SNRNP40: variants seen among roughly 807,000 people sequenced by gnomAD.
SNRNP40 encodes the protein small nuclear ribonucleoprotein U5 subunit 40.
A neutral mutation model predicts 45.8 loss-of-function variants in SNRNP40; 21 were observed. The ratio of observed to expected loss-of-function variants is 0.46; its 90% CI spans 0.32 to 0.66. The LOEUF (loss-of-function observed/expected upper bound fraction) is 0.66. SNRNP40 is among the 30% of genes least tolerant of loss of function. The pLI is 0.03. For missense variants in SNRNP40, 344 were observed against 439.1 expected (o/e 0.78, Z 1.94); for synonymous variants, 142 against 163.8 (o/e 0.87, Z 1.01).
intron 2 of SNRNP40, among the ~76,000 whole-genome samples, 167 bp from the exon 3 acceptor site, chr1:31,292,173 G>C (rs1269484941): frequency 6.6e-6 from 1 of 152,126 alleles, no homozygotes; most frequent in Non-Finnish European, 1.5e-5. Context: ...GACCAGCGTG[G>C]CTGATACGGC....
chr1:31,281,723 ACTT>A, intron 4 of SNRNP40: 1 of 360,046 alleles, frequency 2.8e-6, no homozygotes, highest in Admixed American at 4.1e-5. Context: ...ATATTTTCAG[ACTT>A]CTTTGTTGAA....
chr1:31,288,888 C>T (rs1350802546), intron 4 of SNRNP40, among the ~76,000 whole-genome samples: 6 of 152,130 alleles, frequency 3.9e-5, no homozygotes, highest in Non-Finnish European at 5.9e-5. Context: ...CCCGCCATCA[C>T]GCCCGGCTTA....
chr1:31,287,666 A>T (rs1399672081), intron 4 of SNRNP40, among the ~76,000 whole-genome samples: 2 of 152,148 alleles, frequency 1.3e-5, no homozygotes, highest in Non-Finnish European at 2.9e-5. Context: ...CCAACCATCA[A>T]GGGGCCCCAA....
intron 8 of SNRNP40, chr1:31,261,954 T>G: frequency 5.0e-6 from 1 of 201,276 alleles, no homozygotes; most frequent in Non-Finnish European, 1.0e-5. Context: ...TTTTTCAGAG[T>G]GTCTAGTATA....
intron 6 of SNRNP40, 127 bp downstream of exon 6, chr1:31,271,252 C>T: frequency 2.1e-6 from 2 of 934,332 alleles, no homozygotes; most frequent in Non-Finnish European, 1.6e-6. Flanking sequence ...AGACTACAGT[C>T]CTAGATTCTT....
At chr1:31,290,804 G>A (rs1364772062) in intron 3 of SNRNP40, among the ~76,000 whole-genome samples, 5 of 151,960 alleles carry the variant, frequency 3.3e-5, no homozygotes, top group African/African-American at 7.3e-5. Context: ...TGTGAACCCC[G>A]GAGACGGAGC....
chr1:31,280,128 A>T (rs1646005040), intron 5 of SNRNP40, among the ~76,000 whole-genome samples: 1 of 150,960 alleles, frequency 6.6e-6, no homozygotes, highest in South Asian at 2.1e-4. Context: ...AAAAAAAAAA[A>T]AAAAAAGGAC....
chr1:31,261,868 T>C, intron 8 of SNRNP40: 1 of 349,954 alleles, frequency 2.9e-6, no homozygotes, highest in South Asian at 6.0e-5. Context: ...CTGGCATGTT[T>C]GAATACAAGC....
intron 4 of SNRNP40, among the ~76,000 whole-genome samples, chr1:31,283,809 A>C (rs1569663046): frequency 1.3e-5 from 2 of 152,244 alleles, no homozygotes; most frequent in East Asian, 3.8e-4. Context: ...TTCTCAACAA[A>C]TTGTGCTAAG....
intron 7 of SNRNP40, among the ~76,000 whole-genome samples, chr1:31,268,359 T>C (rs1645914316): frequency 6.6e-6 from 1 of 151,536 alleles, no homozygotes; most frequent in Non-Finnish European, 1.5e-5. Flanking sequence ...CATAGCTCAC[T>C]GTAGTTTTGA....
At chr1:31,294,474 T>TTTA (rs1646128015) in intron 1 of SNRNP40, among the ~76,000 whole-genome samples, 1 of 107,314 alleles carries the variant, frequency 9.3e-6, no homozygotes. Flanking sequence ...TTATTTATTT[T>TTTA]TTGGGGAAGG....
At chr1:31,274,965 C>T (rs950720848) in intron 5 of SNRNP40, among the ~76,000 whole-genome samples, 1 of 152,192 alleles carries the variant, frequency 6.6e-6, no homozygotes, top group South Asian at 2.1e-4. Context: ...AAAAACCAGG[C>T]TCTCTGAGGA....
chr1:31,266,744 C>T (rs111695771), intron 8 of SNRNP40, among the ~76,000 whole-genome samples: 1 of 152,234 alleles, frequency 6.6e-6, no homozygotes, highest in Non-Finnish European at 1.5e-5. Flanking sequence ...ATCTCCAACA[C>T]AGGCAGGCAT....
chr1:31,287,982 G>C (rs545980504), intron 4 of SNRNP40, among the ~76,000 whole-genome samples: 1 of 152,206 alleles, frequency 6.6e-6, no homozygotes, highest in African/African-American at 2.4e-5. Context: ...GGGCAACATG[G>C]TGAAACCCCA....
At chr1:31,285,242 C>CTTTTT (rs10694913) in intron 4 of SNRNP40, among the ~76,000 whole-genome samples, 2 of 139,350 alleles carry the variant, frequency 1.4e-5, no homozygotes, top group Admixed American at 7.3e-5. Context: ...GCCTTATCAC[C>CTTTTT]TTTTTTTTTT....
chr1:31,261,419 G>A (rs769423091), intron 9 of SNRNP40, 110 bp downstream of exon 9: 53 of 695,528 alleles, frequency 7.6e-5, no homozygotes, highest in Non-Finnish European at 1.2e-4. Flanking sequence ...CCCAAAGGCT[G>A]TTTGCATGGA....
chr1:31,289,199 AT>A, intron 4 of SNRNP40, 54 bp downstream of exon 4: 1 of 1,548,376 alleles, frequency 6.5e-7, no homozygotes, highest in Non-Finnish European at 8.8e-7. Context: ...GCAAGGCAAG[AT>A]AAGGTTCACA....
At chr1:31,283,711 TATA>T (rs905058657) in intron 4 of SNRNP40, among the ~76,000 whole-genome samples, 10 of 152,188 alleles carry the variant, frequency 6.6e-5, no homozygotes, top group Non-Finnish European at 1.2e-4. Flanking sequence ...GTCACCACGC[TATA>T]ATATTTAAAT....
chr1:31,274,218 GGAAA>G (rs1645958775), intron 5 of SNRNP40, among the ~76,000 whole-genome samples: 1 of 152,014 alleles, frequency 6.6e-6, no homozygotes, highest in African/African-American at 2.4e-5. Flanking sequence ...TGTATATTCT[GGAAA>G]GATCCTTCTG....
Sources: allele counts gnomAD v4.1 joint callset (sites outside exome capture counted in the v4.1 genomes callset), GRCh38; gene constraint gnomAD v4.1.1; transcripts MANE v1.5; gene names NCBI Gene and HGNC (gene_info 2026-07-23, HGNC 2026-07-21).